FHIT: variants seen among roughly 807,000 people sequenced by gnomAD.
FHIT encodes the protein fragile histidine triad diadenosine triphosphatase.
Under a neutral mutation model 17.9 loss-of-function variants are expected in FHIT, and 19 were observed. That is an observed-to-expected ratio of 1.06 (90% confidence interval 0.74 to 1.56). The LOEUF (loss-of-function observed/expected upper bound fraction) is 1.56. Among genes scored for constraint, FHIT ranks in the 40% most tolerant of loss-of-function variants. The pLI is 0.00. For missense variants in FHIT, 248 were observed against 189.2 expected (o/e 1.31, Z -1.82); for synonymous variants, 81 against 69.7 (o/e 1.16, Z -0.81).
chr3:59,872,824 C>T (rs1702982772), intron 8 of FHIT, among the ~76,000 whole-genome samples: 1 of 152,142 alleles, frequency 6.6e-6, no homozygotes, highest in South Asian at 2.1e-4. Context: ...CTTCCCTGGG[C>T]TCCAGACCCA....
intron 5 of FHIT, among the ~76,000 whole-genome samples, chr3:60,345,199 A>G (rs1027488905): frequency 6.6e-6 from 1 of 152,208 alleles, no homozygotes; most frequent in Admixed American, 6.5e-5. Flanking sequence ...AGGGACATCC[A>G]GTACGTGTCC....
chr3:60,006,749 G>A (rs990303916), intron 7 of FHIT, among the ~76,000 whole-genome samples: 5 of 151,680 alleles, frequency 3.3e-5, no homozygotes, highest in African/African-American at 9.7e-5. Context: ...TATTCCTAAC[G>A]GAACCTCTGA....
intron 3 of FHIT, among the ~76,000 whole-genome samples, chr3:61,014,807 A>AAAAAAAAATT (rs1553798839): frequency 7.1e-4 from 35 of 49,094 alleles, no homozygotes; most frequent in African/African-American, 1.3e-3. Context: ...AAAAAAAAAA[A>AAAAAAAAATT]ATATATATAT....
chr3:60,058,276 CTGGG>C (rs1702165762), intron 5 of FHIT, among the ~76,000 whole-genome samples: 2 of 151,216 alleles, frequency 1.3e-5, no homozygotes, highest in Non-Finnish European at 2.9e-5. Context: ...TCCTGAGTAG[CTGGG>C]ATTACATGCC....
chr3:60,571,533 A>G (rs1281757065), intron 4 of FHIT, among the ~76,000 whole-genome samples: 1 of 152,028 alleles, frequency 6.6e-6, no homozygotes, highest in Non-Finnish European at 1.5e-5. Flanking sequence ...AGGAATTTGC[A>G]TACGCTCTGG....
chr3:60,647,945 T>C (rs964169064), intron 4 of FHIT, among the ~76,000 whole-genome samples: 18 of 152,262 alleles, frequency 1.2e-4, no homozygotes, highest in African/African-American at 3.9e-4. Flanking sequence ...CCAGCAGAAA[T>C]ACACTGTGAG....
At chr3:61,219,601 T>C (rs1454647806) in intron 1 of FHIT, among the ~76,000 whole-genome samples, 1 of 152,194 alleles carries the variant, frequency 6.6e-6, no homozygotes, top group East Asian at 1.9e-4. Context: ...CGTCCATATT[T>C]TGTTCTAGAG....
At position 60,228,167 on chromosome 3, in the gene FHIT, CATT is replaced by C. The variant is rs567623164; in HGVS notation, c.104-214018_104-214016del. ...CCCACTGTACGGCAGACCTTTATCT[CATT>C]ATTGGAAGGAGTATAAAGTAAGGCA... On this transcript the variant is annotated intron_variant, in intron 5 of 9. Coordinates refer to ENST00000492590, the MANE Select transcript of FHIT (RefSeq NM_002012.4). Among the ~76,000 whole-genome samples the C allele has an allele frequency of 8.3e-4, 127 of 152,240 alleles. 1 individual carries two copies. In the South Asian group the frequency reaches 0.026, roughly 31 times the overall value.
chr3:60,433,625 G>A (rs997581592), intron 5 of FHIT, among the ~76,000 whole-genome samples: 1 of 152,070 alleles, frequency 6.6e-6, no homozygotes, highest in Non-Finnish European at 1.5e-5. Flanking sequence ...ACAGGTGTGA[G>A]GTGTCCTCTC....
At chr3:60,859,883 A>C (rs1470765690) in intron 3 of FHIT, among the ~76,000 whole-genome samples, 13 of 149,822 alleles carry the variant, frequency 8.7e-5, no homozygotes, top group African/African-American at 3.2e-4. Context: ...GTCTCTACTA[A>C]AACTACAAAA....
At chr3:60,847,807 T>G (rs1553747025) in intron 3 of FHIT, among the ~76,000 whole-genome samples, 1 of 152,168 alleles carries the variant, frequency 6.6e-6, no homozygotes, top group Non-Finnish European at 1.5e-5. Context: ...AGTCGACATT[T>G]CTGTGATACA....
intron 5 of FHIT, among the ~76,000 whole-genome samples, chr3:60,264,039 T>C (rs555983530): frequency 9.3e-4 from 141 of 152,044 alleles, no homozygotes; most frequent in Non-Finnish European, 1.6e-3. Context: ...CTGAGGTGGT[T>C]AGCTAAGGGT....
At chr3:60,641,157 G>A (rs1360234858) in intron 4 of FHIT, among the ~76,000 whole-genome samples, 1 of 152,056 alleles carries the variant, frequency 6.6e-6, no homozygotes, top group African/African-American at 2.4e-5. Flanking sequence ...TCCGGCCTGG[G>A]CAACAGGAGT....
At chr3:59,840,928 AC>A (rs1302016860) in intron 8 of FHIT, among the ~76,000 whole-genome samples, 1 of 152,146 alleles carries the variant, frequency 6.6e-6, no homozygotes, top group Non-Finnish European at 1.5e-5. Context: ...TAGCAAATAC[AC>A]TAGGAGCTTA....
intron 1 of FHIT, among the ~76,000 whole-genome samples, chr3:61,221,653 T>C (rs2039842376): frequency 6.6e-6 from 1 of 152,214 alleles, no homozygotes; most frequent in Non-Finnish European, 1.5e-5. Flanking sequence ...CCCTGCTGAC[T>C]GGAACATGCA....
intron 5 of FHIT, among the ~76,000 whole-genome samples, chr3:60,470,058 T>TTCTCTCTCTCTCTTTCTCTCTCTCTCTC (rs2033009029): frequency 1.4e-5 from 2 of 143,038 alleles, no homozygotes; most frequent in Admixed American, 6.9e-5. Context: ...CTCTCTTTCT[T>TTCTCTCTCTCTCTTTCTCTCTCTCTCTC]TCTCTCTCTC....
chr3:60,203,335 C>T (rs768472289), intron 5 of FHIT, among the ~76,000 whole-genome samples: 25 of 152,144 alleles, frequency 1.6e-4, no homozygotes, highest in South Asian at 2.1e-4. Context: ...TGTAATGACA[C>T]GGTTCATCAT....
chr3:60,032,013 T>C (rs1441656707), intron 5 of FHIT, among the ~76,000 whole-genome samples: 4 of 152,176 alleles, frequency 2.6e-5, no homozygotes, highest in Admixed American at 2.6e-4. Context: ...TGAAATATCA[T>C]TTATTCTAGA....
chr3:60,008,408 T>C (rs543214701), intron 7 of FHIT, among the ~76,000 whole-genome samples: 5 of 152,272 alleles, frequency 3.3e-5, no homozygotes, highest in African/African-American at 9.6e-5. Flanking sequence ...CTTTCCTGAC[T>C]ACAAGTGCCT....
Sources: allele counts gnomAD v4.1 joint callset (sites outside exome capture counted in the v4.1 genomes callset), GRCh38; gene constraint gnomAD v4.1.1; transcripts MANE v1.5; gene names NCBI Gene and HGNC (gene_info 2026-07-23, HGNC 2026-07-21).